Variants in RBPJ observed in about 807,000 individuals in gnomAD.
The protein encoded by RBPJ is recombination signal binding protein for immunoglobulin kappa J region.
RBPJ carries 9 observed loss-of-function variants against 67.8 expected under a neutral mutation model. The ratio of observed to expected loss-of-function variants is 0.13; its 90% confidence interval spans 0.08 to 0.23. The LOEUF (loss-of-function observed/expected upper bound fraction) is 0.23, where lower values mean the gene tolerates loss of function less well. Among genes scored for constraint, RBPJ ranks in the 10% least tolerant of loss-of-function variants. The pLI, the probability that RBPJ is intolerant of heterozygous loss-of-function variation, is 1.00. For missense variants in RBPJ, 305 were observed against 595.6 expected (o/e 0.51, Z 5.08); for synonymous variants, 198 against 203.3 (o/e 0.97, Z 0.22).
At chr4:26,147,434 T>C in the RBPJ span, among the ~76,000 whole-genome samples, 1 of 152,338 alleles carries the variant, frequency 6.6e-6, no homozygotes, top group East Asian at 1.9e-4. Flanking sequence ...GAGTTTGCAG[T>C]GATCTTCCTT....
At chr4:26,402,064 T>G (rs1316303358) in intron 2 of RBPJ, among the ~76,000 whole-genome samples, 1 of 151,962 alleles carries the variant, frequency 6.6e-6, no homozygotes, top group East Asian at 1.9e-4. Flanking sequence ...AATTCTGTAT[T>G]TTTAGTAGAA....
Position 26,370,266 on chromosome 4 carries a change from A to C in RBPJ, c.21-16087A>C, listed in dbSNP as rs540724851. ...CCTTTCAACTTGATTTTTGTTCCAA[A>C]GTTCAAATTTTTACTTAGAATTAAG... On this transcript the variant is annotated intron_variant, in intron 1 of 10. Coordinates refer to ENST00000355476, the MANE Select transcript of RBPJ (RefSeq NM_015874.6). Among the ~76,000 whole-genome samples, 12 of 152,328 alleles carry C rather than the reference A, an allele frequency of 7.9e-5. No homozygotes were observed. In the East Asian group the frequency reaches 2.3e-3, roughly 29 times the overall value.
intron 1 of RBPJ, among the ~76,000 whole-genome samples, chr4:26,312,087 C>A (rs1358120666): frequency 6.6e-6 from 1 of 152,130 alleles, no homozygotes; most frequent in Non-Finnish European, 1.5e-5. Context: ...TTGATGCCCA[C>A]TAAGTTCTGA....
chr4:26,200,877 A>G (rs1168435331), intron 1 of RBPJ, among the ~76,000 whole-genome samples: 1 of 152,062 alleles, frequency 6.6e-6, no homozygotes, highest in African/African-American at 2.4e-5. Context: ...TTATCACATC[A>G]AGCTGTAAAT....
At chr4:26,274,376 A>G (rs1174130172) in intron 1 of RBPJ, among the ~76,000 whole-genome samples, 1 of 152,188 alleles carries the variant, frequency 6.6e-6, no homozygotes, top group Non-Finnish European at 1.5e-5. Flanking sequence ...CCTTGTAATC[A>G]CAGCAGTCCA....
intron 1 of RBPJ, among the ~76,000 whole-genome samples, chr4:26,359,120 A>G (rs959702899): frequency 1.4e-4 from 21 of 152,316 alleles, no homozygotes; most frequent in African/African-American, 4.8e-4. Flanking sequence ...GAATGTACAC[A>G]TCTGAAAATT....
At chr4:26,211,821 G>A (rs1440820895) in intron 1 of RBPJ, among the ~76,000 whole-genome samples, 1 of 152,080 alleles carries the variant, frequency 6.6e-6, no homozygotes, top group African/African-American at 2.4e-5. Context: ...TTAGAAATAG[G>A]GTCATTATAG....
intron 1 of RBPJ, among the ~76,000 whole-genome samples, chr4:26,367,055 T>A (rs549377474): frequency 1.3e-5 from 2 of 151,502 alleles, no homozygotes; most frequent in South Asian, 4.2e-4. Context: ...ACCTTGGAGG[T>A]GGAGGTTGCA....
At chr4:26,267,450 C>G (rs1290239606) in intron 1 of RBPJ, among the ~76,000 whole-genome samples, 2 of 152,232 alleles carry the variant, frequency 1.3e-5, no homozygotes, top group South Asian at 2.1e-4. Context: ...TCAGGATTCT[C>G]TCATCACCAG....
chr4:26,369,282 G>A (rs950765653), intron 1 of RBPJ, among the ~76,000 whole-genome samples: 11 of 152,144 alleles, frequency 7.2e-5, no homozygotes, highest in African/African-American at 2.4e-4. Context: ...CTGAACTCTT[G>A]TGAGGTGGGG....
At chr4:26,281,571 T>G (rs1257100893) in intron 1 of RBPJ, among the ~76,000 whole-genome samples, 1 of 152,222 alleles carries the variant, frequency 6.6e-6, no homozygotes, top group East Asian at 1.9e-4. Flanking sequence ...TGAGCCACCA[T>G]GCCCACCACT....
chr4:26,302,091 C>T (rs1016574796), intron 1 of RBPJ, among the ~76,000 whole-genome samples: 1 of 152,098 alleles, frequency 6.6e-6, no homozygotes, highest in African/African-American at 2.4e-5. Flanking sequence ...TGAGCCCAGC[C>T]AGGATAATTT....
At chr4:26,174,519 C>G (rs6448439) in intron 1 of RBPJ, among the ~76,000 whole-genome samples, 106,682 of 152,016 alleles carry the variant, frequency 0.7, 37,946 homozygotes, top group African/African-American at 0.82. Context: ...GCCCAAGCTG[C>G]AGTGCAGTGG....
chr4:26,327,996 A>C (rs763512029), intron 1 of RBPJ, among the ~76,000 whole-genome samples: 55 of 152,358 alleles, frequency 3.6e-4, no homozygotes, highest in South Asian at 8.3e-4. Flanking sequence ...AATTTCCTCC[A>C]GTACAAACTA....
chr4:26,242,365 T>G (rs921207996), intron 1 of RBPJ, among the ~76,000 whole-genome samples: 1 of 149,422 alleles, frequency 6.7e-6, no homozygotes, highest in Non-Finnish European at 1.5e-5. Flanking sequence ...GAGAATGGCG[T>G]GAACCCGAGA....
intron 4 of RBPJ, among the ~76,000 whole-genome samples, chr4:26,418,753 C>T (rs955248232): frequency 2.0e-5 from 3 of 152,122 alleles, no homozygotes; most frequent in Admixed American, 2.0e-4. Context: ...TTTTGCTTCC[C>T]ATGACTGTCT....
chr4:26,352,497 C>T (rs1188325916), intron 1 of RBPJ, among the ~76,000 whole-genome samples: 1 of 152,172 alleles, frequency 6.6e-6, no homozygotes, highest in Non-Finnish European at 1.5e-5. Context: ...ATAGCACTCA[C>T]ATCATTAAAA....
chr4:26,393,463 CTCCCAGGT>C (rs1281167046), intron 2 of RBPJ, among the ~76,000 whole-genome samples: 2 of 152,166 alleles, frequency 1.3e-5, no homozygotes, highest in Non-Finnish European at 2.9e-5. Flanking sequence ...CAACCTCCGC[CTCCCAGGT>C]TCAAGCCAGC....
At chr4:26,315,192 ATG>A (rs143122011), upstream of RBPJ, among the ~76,000 whole-genome samples, 16,908 of 86,054 alleles carry the variant, frequency 0.2, 2,549 homozygotes, top group Non-Finnish European at 0.24. Flanking sequence ...ATATATATAT[ATG>A]TATGTATATA....
Sources: gnomAD v4.1 joint callset for allele counts (sites outside exome capture counted in the v4.1 genomes callset) on GRCh38, gnomAD v4.1.1 for gene constraint, MANE v1.5 for transcripts, NCBI Gene and HGNC (gene_info 2026-07-23, HGNC 2026-07-21) for gene names.